The following TMEM132D variants were observed in gnomAD, a reference collection of about 807,000 sequenced individuals.
TMEM132D encodes mature OL transmembrane protein.
Under a neutral mutation model 62.3 loss-of-function variants are expected in TMEM132D, and 21 were observed. That is an observed-to-expected ratio of 0.34 (90% CI 0.24 to 0.49). The LOEUF is 0.49. Among genes scored for constraint, TMEM132D ranks in the 20% least tolerant of loss-of-function variants. The probability of loss-of-function intolerance (pLI) is 0.99; values close to 1 mark genes in which losing one functional copy is unlikely to be tolerated. For synonymous variants in TMEM132D, 621 were observed against 575.6 expected (o/e 1.08, Z -1.13); for missense variants, 1,346 against 1,402.8 (o/e 0.96, Z 0.65).
At chr12:129,471,001 T>C (rs927507127) in intron 3 of TMEM132D, among the ~76,000 whole-genome samples, 10 of 152,066 alleles carry the variant, frequency 6.6e-5, no homozygotes, top group African/African-American at 2.2e-4. Flanking sequence ...TGCATGAGCA[T>C]TTCTGGGATC....
chr12:129,448,163 G>T (rs560429951), intron 3 of TMEM132D, among the ~76,000 whole-genome samples: 1 of 152,238 alleles, frequency 6.6e-6, no homozygotes, highest in South Asian at 2.1e-4. Context: ...CAATCATACA[G>T]TGTGGTGCCC....
chr12:129,640,735 G>A (rs1879621780), intron 2 of TMEM132D, among the ~76,000 whole-genome samples: 1 of 152,164 alleles, frequency 6.6e-6, no homozygotes, highest in Non-Finnish European at 1.5e-5. Flanking sequence ...GGCCTGTTAG[G>A]AGCCATGACA....
chr12:129,866,644 A>G (rs1874071079), intron 1 of TMEM132D, among the ~76,000 whole-genome samples: 1 of 152,146 alleles, frequency 6.6e-6, no homozygotes, highest in Admixed American at 6.5e-5. Flanking sequence ...GGATGTAGAA[A>G]AGAGAGACTC....
At chr12:129,576,845 GA>G (rs1877675839) in intron 2 of TMEM132D, among the ~76,000 whole-genome samples, 1 of 151,862 alleles carries the variant, frequency 6.6e-6, no homozygotes. Flanking sequence ...AGAGAAAAGA[GA>G]ACGCTCGGAA....
chr12:129,760,323 C>CTTTTTTTTTTTTTTTT lies in TMEM132D; in HGVS notation c.80-59641_80-59626dup, dbSNP rs71082753. On this transcript the variant is annotated intron_variant, in intron 1 of 8. Transcript: ENST00000422113. Reference sequence around the variant, plus strand: ...AGACAGAAATGATGTAAGCCACTTTCTTTTTTTTTTTTTTTTTTTTTTTTT... The same window carrying CTTTTTTTTTTTTTTTT: ...AGACAGAAATGATGTAAGCCACTTTCTTTTTTTTTTTTTTTTTTTTTTTTTTTTTTTTTTTTTTTTT... Among the ~76,000 whole-genome samples, 4 of 115,494 alleles carry CTTTTTTTTTTTTTTTT rather than the reference C, an allele frequency of 3.5e-5. 1 individual carries two copies. Among genetic ancestry groups the CTTTTTTTTTTTTTTTT allele is most frequent in the African/African-American group, 1.4e-4 (4 of 27,632 alleles). 75.8% of individuals were successfully genotyped at this position (115,494 alleles called of 152,430 possible).
At chr12:129,705,143 T>C (rs1381153193) in intron 1 of TMEM132D, among the ~76,000 whole-genome samples, 3 of 152,204 alleles carry the variant, frequency 2.0e-5, no homozygotes, top group Admixed American at 6.5e-5. Context: ...TGTAACCATG[T>C]GAGATGCACA....
At chr12:129,853,715 C>CA (rs1419984383) in intron 1 of TMEM132D, 1 of 152,094 alleles carries the variant, frequency 6.6e-6, no homozygotes, top group Admixed American at 6.5e-5. Flanking sequence ...GTGTAGTCGG[C>CA]AATTATCAGT....
chr12:129,288,819 G>A (rs1469115001), intron 4 of TMEM132D, among the ~76,000 whole-genome samples: 1 of 152,166 alleles, frequency 6.6e-6, no homozygotes, highest in African/African-American at 2.4e-5. Flanking sequence ...CCAAGGCATG[G>A]AAACAACCTA....
chr12:129,077,816 T>C (rs1009325644), intron 8 of TMEM132D, among the ~76,000 whole-genome samples: 3 of 151,458 alleles, frequency 2.0e-5, no homozygotes, highest in African/African-American at 7.3e-5. Flanking sequence ...CAAGCACACA[T>C]GCAACACACA....
chr12:129,416,530 T>C (rs920007803), intron 3 of TMEM132D, among the ~76,000 whole-genome samples: 1 of 152,310 alleles, frequency 6.6e-6, no homozygotes, highest in Admixed American at 6.5e-5. Context: ...TCTTTCTATT[T>C]GAATACGCTT....
At chr12:129,665,953 T>C (rs1880366642) in intron 2 of TMEM132D, among the ~76,000 whole-genome samples, 1 of 152,194 alleles carries the variant, frequency 6.6e-6, no homozygotes, top group African/African-American at 2.4e-5. Flanking sequence ...CCTTTAATAT[T>C]TTTTCTCTTC....
chr12:129,713,982 C>G (rs975916071), intron 1 of TMEM132D, among the ~76,000 whole-genome samples: 1 of 152,212 alleles, frequency 6.6e-6, no homozygotes, highest in Non-Finnish European at 1.5e-5. Flanking sequence ...TTTAGTGGCA[C>G]CTTTGGGACC....
chr12:129,116,402 A>G (rs1452048932), intron 5 of TMEM132D, among the ~76,000 whole-genome samples: 1 of 152,232 alleles, frequency 6.6e-6, no homozygotes, highest in African/African-American at 2.4e-5. Flanking sequence ...CCAGTGGAGA[A>G]TGATAGTAAT....
intron 4 of TMEM132D, among the ~76,000 whole-genome samples, chr12:129,296,715 T>C (rs1272778291): frequency 6.6e-6 from 1 of 152,180 alleles, no homozygotes; most frequent in East Asian, 1.9e-4. Flanking sequence ...CTGTGTTTCC[T>C]GGAAAACAGA....
intron 1 of TMEM132D, among the ~76,000 whole-genome samples, chr12:129,814,525 C>T (rs1003326172): frequency 2.1e-5 from 3 of 146,326 alleles, no homozygotes; most frequent in Admixed American, 7.1e-5. Context: ...GCAGGAGAAT[C>T]GCTTGAACCC....
At chr12:129,535,558 A>T (rs745663859) in intron 2 of TMEM132D, among the ~76,000 whole-genome samples, 6 of 151,940 alleles carry the variant, frequency 3.9e-5, no homozygotes, top group Admixed American at 3.3e-4. Context: ...CCAAAGAGAA[A>T]CTCCCTACTT....
intron 3 of TMEM132D, among the ~76,000 whole-genome samples, chr12:129,460,528 T>C (rs1429978647): frequency 1.3e-5 from 2 of 152,206 alleles, no homozygotes; most frequent in Non-Finnish European, 2.9e-5. Context: ...TGTTCTCTCA[T>C]CCATGAGATG....
chr12:129,679,292 T>C (rs1880721969), intron 2 of TMEM132D, among the ~76,000 whole-genome samples: 1 of 152,098 alleles, frequency 6.6e-6, no homozygotes, highest in African/African-American at 2.4e-5. Context: ...TAGCAAATTA[T>C]TTATTTTTAA....
intron 1 of TMEM132D, among the ~76,000 whole-genome samples, chr12:129,825,107 C>T (rs1033646567): frequency 2.0e-5 from 3 of 151,762 alleles, no homozygotes; most frequent in Admixed American, 6.6e-5. Flanking sequence ...TCCACCTCCC[C>T]GGTTCAAGCT....
Sources: allele counts gnomAD v4.1 joint callset (sites outside exome capture counted in the v4.1 genomes callset), GRCh38; gene constraint gnomAD v4.1.1; transcripts MANE v1.5; gene names NCBI Gene and HGNC (gene_info 2026-07-23, HGNC 2026-07-21).